Variants in MTOR observed in about 807,000 individuals in gnomAD.
The protein encoded by MTOR is mechanistic target of rapamycin kinase.
A neutral mutation model predicts 319.8 loss-of-function variants in MTOR; 70 were observed. That is an observed-to-expected ratio of 0.22 (90% CI 0.18 to 0.27). MTOR has a LOEUF of 0.27. MTOR is among the 10% of genes least tolerant of loss of function. The pLI, the probability that MTOR is intolerant of heterozygous loss-of-function variation, is 1.00. For synonymous variants in MTOR, 1,183 were observed against 1,211.4 expected (o/e 0.98, Z 0.49); for missense variants, 1,890 against 3,274.4 (o/e 0.58, Z 10.32).
At chr1:11,191,731 G>C (rs1358165475) in intron 28 of MTOR, among the ~76,000 whole-genome samples, 1 of 152,180 alleles carries the variant, frequency 6.6e-6, no homozygotes, top group African/African-American at 2.4e-5. Flanking sequence ...TGAGGTGCTA[G>C]CTGGATGGAA....
At chr1:11,134,891 C>A (rs954272518) in intron 36 of MTOR, among the ~76,000 whole-genome samples, 1 of 152,202 alleles carries the variant, frequency 6.6e-6, no homozygotes, top group Non-Finnish European at 1.5e-5. Context: ...GTACCTTGGA[C>A]AGTCCAGCGG....
intron 28 of MTOR, among the ~76,000 whole-genome samples, chr1:11,184,598 G>C (rs1161707123): frequency 1.3e-5 from 2 of 152,282 alleles, no homozygotes; most frequent in South Asian, 2.1e-4. Context: ...AGGCGTGTTG[G>C]TGTGCGCTTG....
chr1:11,240,607 G>A, intron 10 of MTOR, 60 bp from the exon 11 acceptor site: 5 of 1,560,602 alleles, frequency 3.2e-6, no homozygotes. Context: ...TCTGTTCTTG[G>A]GAAGAAACAG....
Position 11,133,487 on chromosome 1 carries a change from A to AT in MTOR, c.5247-291dup, listed in dbSNP as rs1424080185. ...TATGGACTTACCTACCCCAAACCCA[A>AT]TTTTTTGTGGGTGACAGTTGAGAGT... On this transcript the variant is annotated intron_variant, in intron 37 of 57. Coordinates refer to ENST00000361445, the MANE Select transcript of MTOR (RefSeq NM_004958.4). The surrounding 1 kb of genome is among the most constrained non-coding windows in gnomAD (Gnocchi z 4.0). 1.3e-5 allele frequency among the ~76,000 whole-genome samples: 1 copy of AT among 74,588 alleles called. No individual in the cohort carries two copies. The highest frequency in any genetic ancestry group is 2.6e-5 in the Non-Finnish European group (1 of 37,884). 48.9% of individuals were successfully genotyped at this position (74,588 alleles called of 152,430 possible).
chr1:11,108,856 C>T (rs1641712948), intron 56 of MTOR, among the ~76,000 whole-genome samples: 1 of 151,798 alleles, frequency 6.6e-6, no homozygotes, highest in Admixed American at 6.6e-5. Flanking sequence ...ATTAGCTGGG[C>T]GTGCACCTGT....
At chr1:11,231,106 CA>C (rs764774701) in intron 17 of MTOR, 52 bp from the exon 18 acceptor site, 10 of 1,609,584 alleles carry the variant, frequency 6.2e-6, no homozygotes, top group Non-Finnish European at 6.8e-6. Flanking sequence ...AACATGATTA[CA>C]ACAAGTATCA....
intron 29 of MTOR, among the ~76,000 whole-genome samples, chr1:11,159,362 C>A (rs1644405465): frequency 1.3e-5 from 2 of 152,132 alleles, no homozygotes; most frequent in South Asian, 4.1e-4. Flanking sequence ...TGTGCTAAGG[C>A]CGGGCATGGT....
intron 7 of MTOR, 41 bp from the exon 8 acceptor site, chr1:11,247,774 G>T: frequency 6.2e-7 from 1 of 1,613,256 alleles, no homozygotes; most frequent in Non-Finnish European, 8.5e-7. Flanking sequence ...GGAAAAGTGA[G>T]GTGTGGAGCT....
chr1:11,142,002 AAAAT>A (rs560419647), intron 34 of MTOR, among the ~76,000 whole-genome samples: 5 of 151,224 alleles, frequency 3.3e-5, no homozygotes, highest in African/African-American at 9.7e-5. Flanking sequence ...CTCCGTCTCA[AAAAT>A]AAATAAATAA....
intron 29 of MTOR, among the ~76,000 whole-genome samples, chr1:11,162,695 G>A (rs1327591236): frequency 6.6e-6 from 1 of 152,162 alleles, no homozygotes; most frequent in Non-Finnish European, 1.5e-5. Flanking sequence ...AGCTTCATAA[G>A]TGAAGGAGGA....
rs373499545 is a variant in MTOR at position 11,212,854 on chromosome 1, G to C, written c.3340C>G (p.Leu1114Val). The change falls in exon 22 of 58, where the codon CTG becomes GTG. Residue 1114 changes from leucine to valine, a missense_variant. Leu to Val is a conservative substitution (Grantham distance 32). Transcript: ENST00000361445. This position sits in a 1 kb window ranked among gnomAD's most constrained non-coding sequence, Gnocchi z 4.1. ...GANLDDYLHLLLPPIVKLFDA... is the reference protein window; with the variant it reads ...GANLDDYLHLVLPPIVKLFDA... ...AACAACTTAACAATAGGAGGCAGCA[G>C]TAAATGCAGGTAGTCATCCAGGTTG... The C allele has an allele frequency of 6.2e-7, 1 of 1,614,198 alleles. No individual in the cohort carries two copies. The highest frequency in any genetic ancestry group is 1.7e-5 in the Admixed American group (1 of 60,024).
At chr1:11,145,219 T>G in intron 32 of MTOR, 174 bp from the exon 33 acceptor site, 1 of 611,710 alleles carries the variant, frequency 1.6e-6, no homozygotes, top group South Asian at 2.0e-5. Flanking sequence ...GAGGAGGTAT[T>G]ATCCAATTTC....
intron 9 of MTOR, 53 bp from the exon 10 acceptor site, chr1:11,241,734 C>A: frequency 1.3e-6 from 2 of 1,574,586 alleles, no homozygotes; most frequent in East Asian, 2.3e-5. Flanking sequence ...TCTTTAATGT[C>A]CCACCTCAAA....
At chr1:11,119,091 G>A (rs536018006) in intron 49 of MTOR, among the ~76,000 whole-genome samples, 1 of 152,088 alleles carries the variant, frequency 6.6e-6, no homozygotes, top group African/African-American at 2.4e-5. Context: ...AGAAAATATA[G>A]GTAAAAAAAT....
rs2100873340 is a variant in MTOR at position 11,232,468 on chromosome 1, G to C, written c.2482C>G (p.Leu828Val). The C allele has an allele frequency of 6.2e-7, 1 of 1,613,968 alleles. No individual in the cohort carries two copies. Among genetic ancestry groups the C allele is most frequent in the Non-Finnish European group, 8.5e-7 (1 of 1,179,876 alleles). ...TTGGCCAACAAAGAGGAATCCTGGA[G>C]CATGTCCATGATGATAATAAAAAGT... ...DELFIIIMDM[L>V]QDSSLLAKRQ... Residue 828 changes from leucine (L) to valine (V), a missense_variant, in exon 16 of 58, where the codon CTC becomes GTC. By Grantham distance (32) the Leu-to-Val change is conservative. This residue lies in a region of MTOR where 377 missense variants were observed against 653.9 expected (regional missense o/e 0.58). Coordinates refer to ENST00000361445, the MANE Select transcript of MTOR (RefSeq NM_004958.4).
At chr1:11,118,188 T>TA (rs1039301215) in intron 49 of MTOR, among the ~76,000 whole-genome samples, 15 of 151,050 alleles carry the variant, frequency 9.9e-5, no homozygotes, top group Non-Finnish European at 1.5e-4. Context: ...TAGTCATGTT[T>TA]AAAAAAATAA....
At chr1:11,138,918 G>T in intron 36 of MTOR, 1 of 180,282 alleles carries the variant, frequency 5.5e-6, no homozygotes, top group Non-Finnish European at 1.1e-5. Flanking sequence ...GTCAGGAGAG[G>T]AGACAGAGGT....
rs756392270 is a variant in MTOR at position 11,134,368 on chromosome 1, C to T, written c.5229G>A (p.Leu1743=). The T allele has an allele frequency of 6.2e-6, 10 of 1,613,976 alleles. No individual in the cohort carries two copies. Among genetic ancestry groups the T allele is most frequent in the South Asian group, 2.2e-5 (2 of 91,082 alleles). ...ATEDQQHKQE[L]HKLMARCFLK... is the part of the protein sequence containing the mutation. ...GACCTCACCGGGCCATGAGCTTGTG[C>T]AGTTCCTGCTTATGCTGCTGGTCCT... is the stretch of plus-strand genomic sequence containing the variant. The change falls in exon 37 of 58, where the codon CTG becomes CTA. Residue 1743 remains leucine (L), a synonymous_variant. Transcript: ENST00000361445.
intron 49 of MTOR, 143 bp from the exon 50 acceptor site, chr1:11,117,229 T>G: frequency 1.6e-6 from 1 of 644,974 alleles, no homozygotes. Flanking sequence ...GGTGCTATCT[T>G]GGCTCACTGC....
Sources: allele counts gnomAD v4.1 joint callset (sites outside exome capture counted in the v4.1 genomes callset), GRCh38; gene constraint gnomAD v4.1.1; regional missense constraint gnomAD v4.1.1; non-coding constraint Gnocchi (gnomAD v3.1); transcripts MANE v1.5; gene names NCBI Gene and HGNC (gene_info 2026-07-23, HGNC 2026-07-21).